Variants in ACSM1 observed in about 807,000 individuals in gnomAD.
ACSM1 encodes acyl-coenzyme A synthetase ACSM1, mitochondrial.
Under a neutral mutation model 75.8 loss-of-function variants are expected in ACSM1, and 79 were observed. The observed-to-expected ratio is 1.04, with a 90% CI of 0.87 to 1.26. The LOEUF (loss-of-function observed/expected upper bound fraction) is 1.26. Ranked by LOEUF, ACSM1 falls within the 50% of genes most tolerant of loss-of-function variation. The pLI is 0.00. For synonymous variants in ACSM1, 279 were observed against 265.8 expected (o/e 1.05, Z -0.48); for missense variants, 676 against 720.1 (o/e 0.94, Z 0.70).
Position 20,672,471 on chromosome 16 carries a change from AATATAT to A in ACSM1, c.612-806_612-801del, listed in dbSNP as rs1392857890. On this transcript the variant is annotated intron_variant, in intron 4 of 13. Transcript: ENST00000520010. ...CTCAAAAAAAAAAAAAAAAAAAAAA[AATATAT>A]ATATATATATATATATATAAAAAAC... Among the ~76,000 whole-genome samples, 451 of 64,430 alleles carry A rather than the reference AATATAT, an allele frequency of 7.0e-3. 6 individuals are homozygous for A. The highest frequency in any genetic ancestry group is 0.031 in the East Asian group (24 of 772). 42.3% of individuals were successfully genotyped at this position (64,430 alleles called of 152,430 possible).
intron 4 of ACSM1, among the ~76,000 whole-genome samples, chr16:20,673,325 AC>A (rs1339609121): frequency 6.6e-6 from 1 of 152,008 alleles, no homozygotes; most frequent in Admixed American, 6.6e-5. Context: ...GAGAGGAAAC[AC>A]TAGGTCTGCT....
At chr16:20,677,618 G>C (rs234280) in intron 4 of ACSM1, among the ~76,000 whole-genome samples, 74,216 of 151,974 alleles carry the variant, frequency 0.49, 19,857 homozygotes, top group East Asian at 0.85. Context: ...CCCTTGGGGA[G>C]CCAGACATAG....
chr16:20,683,561 C>T lies in ACSM1; in HGVS notation c.404-1098G>A, dbSNP rs143928598. Among the ~76,000 whole-genome samples, 657 of 152,064 alleles carry T rather than the reference C, an allele frequency of 4.3e-3. 4 individuals are homozygous for T. The highest frequency in any genetic ancestry group is 0.015 in the African/African-American group (607 of 41,462). ...CACCTTATTTTCTATTTCAAAATGG[C>T]CATGCCTCACCCCATGCTTGGAATG... On this transcript the variant is annotated intron_variant, in intron 3 of 13. Coordinates refer to ENST00000520010, the MANE Select transcript of ACSM1 (RefSeq NM_001318890.3).
intron 5 of ACSM1, among the ~76,000 whole-genome samples, 197 bp downstream of exon 5, chr16:20,671,334 T>C (rs1167158892): frequency 4.0e-5 from 6 of 151,766 alleles, no homozygotes; most frequent in Non-Finnish European, 7.4e-5. Flanking sequence ...TCAGCAAACA[T>C]TTAGGATTCC....
chr16:20,627,824 A>ATCTCTC (rs68102086), intron 10 of ACSM1, among the ~76,000 whole-genome samples: 1 of 99,128 alleles, frequency 1.0e-5, no homozygotes, highest in Non-Finnish European at 2.0e-5. Context: ...GTGAGACTTC[A>ATCTCTC]TCTCTCTCTC....
At chr16:20,640,314 T>C in intron 8 of ACSM1, 147 bp downstream of exon 8, 1 of 973,284 alleles carries the variant, frequency 1.0e-6, no homozygotes, top group Non-Finnish European at 1.5e-6. Flanking sequence ...ATATCTGCCT[T>C]TTCTCCTTTA....
intron 6 of ACSM1, among the ~76,000 whole-genome samples, chr16:20,663,363 T>C (rs2019394422): frequency 6.6e-6 from 1 of 152,172 alleles, no homozygotes; most frequent in Non-Finnish European, 1.5e-5. Flanking sequence ...ACCTGCTTCT[T>C]TGTTTGATCA....
intron 6 of ACSM1, among the ~76,000 whole-genome samples, chr16:20,669,526 G>A (rs2019772461): frequency 6.6e-6 from 1 of 151,804 alleles, no homozygotes; most frequent in South Asian, 2.1e-4. Context: ...CAGGATCTGG[G>A]AGACTTGGAC....
Position 20,685,260 on chromosome 16 carries a change from G to A in ACSM1, c.336C>T (p.Asp112=), listed in dbSNP as rs1188415846. Residue 112 remains aspartate (D), a synonymous_variant, in exon 3 of 14, where the codon GAC becomes GAT. Coordinates refer to ENST00000520010, the MANE Select transcript of ACSM1 (RefSeq NM_001318890.3). ...FTQTCGLQQG[D]HLALMLPRVP... ...CTCGAGGCAGCATCAAGGCCAGATG[G>A]TCTCCCTGTTGTAGGCCACAGGTCT... 3 of 1,614,072 alleles carry A rather than the reference G, an allele frequency of 1.9e-6. No homozygotes were observed. The highest frequency in any genetic ancestry group is 1.1e-5 in the South Asian group (1 of 91,086).
chr16:20,645,892 A>G (rs12929314), intron 7 of ACSM1, among the ~76,000 whole-genome samples: 5,131 of 152,282 alleles, frequency 0.034, 128 homozygotes, highest in Admixed American at 0.046. Flanking sequence ...TCTTCTGGAG[A>G]GACAAAGGGA....
chr16:20,636,675 C>G, intron 10 of ACSM1, 64 bp downstream of exon 10: 1 of 1,188,890 alleles, frequency 8.4e-7, no homozygotes, highest in East Asian at 2.3e-5. Flanking sequence ...GAAGAAGCCT[C>G]AGGATGCAGA....
chr16:20,685,338 C>T lies in ACSM1; in HGVS notation c.258G>A (p.Trp86Ter), dbSNP rs201684230. 11 of 1,614,052 alleles carry T rather than the reference C, an allele frequency of 6.8e-6. No homozygotes were observed. The highest frequency in any genetic ancestry group is 9.3e-6 in the Non-Finnish European group (11 of 1,180,030). ...TTAGGTCTCCCATCTCTCTGAAGCT[C>T]CACTTTACTTCATCCCCTTGGCCAT... The part of the protein sequence containing the change: ...WVNGQGDEVK[W>*]SFREMGDLTR... The change falls in exon 3 of 14, where the codon TGG (tryptophan) becomes TGA (stop). Residue 86 changes from tryptophan to a stop codon, truncating the protein, a stop_gained. Coordinates refer to ENST00000520010, the MANE Select transcript of ACSM1 (RefSeq NM_001318890.3). LOFTEE classifies it high-confidence loss of function.
intron 3 of ACSM1, among the ~76,000 whole-genome samples, chr16:20,683,790 G>T (rs909669127): frequency 6.7e-6 from 1 of 148,158 alleles, no homozygotes; most frequent in Non-Finnish European, 1.5e-5. Context: ...GGATGGTCTC[G>T]ATCTCCTGAC....
At position 20,627,286 on chromosome 16, in the gene ACSM1, A is replaced by T. The variant is rs769002167; in HGVS notation, c.1330T>A (p.Cys444Ser). Residue 444 changes from cysteine to serine, a missense_variant, in exon 11 of 14, where the codon TGT becomes AGT. Transcript: ENST00000520010. ...GDPEKTAKVE[C>S]GDFYNTGDRG... ...TCCCCAGTGTTGTAGAAGTCCCCACATTCCACTTTAGCTGTCTTCTCTGGG... is the reference window on the plus strand; with the variant it reads ...TCCCCAGTGTTGTAGAAGTCCCCACTTTCCACTTTAGCTGTCTTCTCTGGG... 1 of 1,583,330 alleles carries T rather than the reference A, an allele frequency of 6.3e-7. No homozygotes were observed. The highest frequency in any genetic ancestry group is 8.6e-7 in the Non-Finnish European group (1 of 1,167,158).
In ACSM1 at chr16:20,685,185, T is replaced by A; in HGVS notation, c.403+8A>T. ...CGAGGTCCACCAGGTCCCTCTTGCATCACTGACCTGTTCGCATGCAGCCCA... is the reference window on the plus strand; with the variant it reads ...CGAGGTCCACCAGGTCCCTCTTGCAACACTGACCTGTTCGCATGCAGCCCA... On this transcript the variant is annotated splice_region_variant and intron_variant, in intron 3 of 13. Transcript: ENST00000520010. 6.2e-7 allele frequency: 1 copy of A among 1,614,112 alleles called. No homozygotes were observed. Among genetic ancestry groups the A allele is most frequent in the Non-Finnish European group, 8.5e-7 (1 of 1,179,986 alleles).
rs137978047 is a variant in ACSM1 at position 20,646,831 on chromosome 16, C to T, written c.993-6247G>A. Among the ~76,000 whole-genome samples the T allele has an allele frequency of 6.2e-3, 945 of 152,292 alleles. 15 individuals are homozygous for T. The highest frequency in any genetic ancestry group is 0.032 in the South Asian group (155 of 4,818). Reference sequence around the variant, plus strand: ...GAATTCCTAACTTCTGAGGGAACACCTATCAAACATCAGGAAGCCATTAGG... The same window carrying T: ...GAATTCCTAACTTCTGAGGGAACACTTATCAAACATCAGGAAGCCATTAGG... On this transcript the variant is annotated intron_variant, in intron 7 of 13. Transcript: ENST00000520010.
intron 10 of ACSM1, among the ~76,000 whole-genome samples, chr16:20,636,518 G>T (rs553398565): frequency 6.6e-6 from 1 of 152,300 alleles, no homozygotes; most frequent in South Asian, 2.1e-4. Context: ...CAAGTCTGAT[G>T]GTTCTGAAGC....
rs991636648 is a variant in ACSM1 at position 20,640,538 on chromosome 16, C to T, written c.1039G>A (p.Val347Met). Residue 347 changes from valine to methionine, a missense_variant, in exon 8 of 14, where the codon GTG (valine) becomes ATG (methionine). Val to Met is a conservative substitution (Grantham distance 21, BLOSUM62 1). Coordinates refer to ENST00000520010, the MANE Select transcript of ACSM1 (RefSeq NM_001318890.3). The stretch of plus-strand genomic sequence containing the variant: ...CACTCCTCCTGATCCTTGGGCAACA[C>T]GACCTCCCCGCCAGTATAGCAGTGC... ...LEHCYTGGEVVLPKDQEEWKR... is the reference protein window; with the variant it reads ...LEHCYTGGEVMLPKDQEEWKR... 48 of 1,614,046 alleles carry T rather than the reference C, an allele frequency of 3.0e-5. No individual in the cohort carries two copies. Among genetic ancestry groups the T allele is most frequent in the Admixed American group, 6.7e-5 (4 of 60,004 alleles).
chr16:20,636,594 A>G (rs2017718249), intron 10 of ACSM1, 145 bp downstream of exon 10: 2 of 635,534 alleles, frequency 3.1e-6, no homozygotes, highest in African/African-American at 1.8e-5. Context: ...GGATGGGAGA[A>G]TGCACGGTGA....
Sources: allele counts gnomAD v4.1 joint callset (sites outside exome capture counted in the v4.1 genomes callset), GRCh38; gene constraint gnomAD v4.1.1; transcripts MANE v1.5; gene names NCBI Gene and HGNC (gene_info 2026-07-23, HGNC 2026-07-21).